MDGA2: variants seen among roughly 807,000 people sequenced by gnomAD.
MDGA2 encodes MAM domain-containing glycosylphosphatidylinositol anchor protein 2.
A neutral mutation model predicts 117.8 loss-of-function variants in MDGA2; 40 were observed. The ratio of observed to expected loss-of-function variants is 0.34; its 90% CI spans 0.26 to 0.44. The LOEUF (loss-of-function observed/expected upper bound fraction) is 0.44, where lower values mean the gene tolerates loss of function less well. Ranked by LOEUF, MDGA2 falls within the 20% of genes least tolerant of loss-of-function variation. MDGA2 has a pLI of 1.00. For missense variants in MDGA2, 1,123 were observed against 1,250.6 expected (o/e 0.90, Z 1.54); for synonymous variants, 452 against 439.0 (o/e 1.03, Z -0.37).
intron 9 of MDGA2, among the ~76,000 whole-genome samples, chr14:46,950,448 G>A (rs900406708): frequency 1.3e-5 from 2 of 151,928 alleles, no homozygotes; most frequent in African/African-American, 2.4e-5. Context: ...GAATCACTTC[G>A]TATATTACAG....
At chr14:47,135,696 C>T (rs1374157814) in intron 4 of MDGA2, among the ~76,000 whole-genome samples, 2 of 151,848 alleles carry the variant, frequency 1.3e-5, no homozygotes, top group East Asian at 1.9e-4. Context: ...TTTCAAAAAC[C>T]GTTAGTTTGT....
At chr14:47,477,048 G>T (rs1430918037) in intron 1 of MDGA2, among the ~76,000 whole-genome samples, 1 of 152,202 alleles carries the variant, frequency 6.6e-6, no homozygotes, top group Non-Finnish European at 1.5e-5. Flanking sequence ...TGTAATCCCA[G>T]CTACTGGGGA....
At chr14:47,430,169 G>A (rs1339585682) in intron 1 of MDGA2, among the ~76,000 whole-genome samples, 1 of 151,742 alleles carries the variant, frequency 6.6e-6, no homozygotes, top group Non-Finnish European at 1.5e-5. Flanking sequence ...CTTAAGCAAG[G>A]CAGTGTTGTG....
At chr14:47,363,612 C>T (rs1891172327) in intron 1 of MDGA2, among the ~76,000 whole-genome samples, 1 of 152,044 alleles carries the variant, frequency 6.6e-6, no homozygotes, top group East Asian at 1.9e-4. Context: ...ACAGCTTCTG[C>T]TCATTGAATT....
At chr14:46,951,741 C>T (rs1885377237) in intron 9 of MDGA2, among the ~76,000 whole-genome samples, 1 of 151,918 alleles carries the variant, frequency 6.6e-6, no homozygotes, top group Non-Finnish European at 1.5e-5. Flanking sequence ...TAGATAAGAA[C>T]ACAGCCCAAC....
intron 1 of MDGA2, among the ~76,000 whole-genome samples, chr14:47,599,885 T>C (rs913893104): frequency 6.6e-6 from 1 of 152,106 alleles, no homozygotes; most frequent in African/African-American, 2.4e-5. Flanking sequence ...ATAAAATATA[T>C]ACAAATTAAA....
At chr14:46,959,245 C>CTA (rs1180752542) in intron 8 of MDGA2, among the ~76,000 whole-genome samples, 5 of 80,170 alleles carry the variant, frequency 6.2e-5, no homozygotes, top group African/African-American at 4.7e-4. Flanking sequence ...TCCAGCAATG[C>CTA]TATATATGTG....
intron 7 of MDGA2, among the ~76,000 whole-genome samples, chr14:47,050,757 T>A (rs572187894): frequency 7.6e-4 from 116 of 151,982 alleles, no homozygotes; most frequent in Non-Finnish European, 1.4e-3. Context: ...TAATGTAGCA[T>A]GATGTTGAAT....
At chr14:47,139,873 C>T (rs201432287) in intron 4 of MDGA2, among the ~76,000 whole-genome samples, 99 of 92,610 alleles carry the variant, frequency 1.1e-3, no homozygotes, top group South Asian at 0.01. Context: ...TATATATATA[C>T]ACACACACAC....
intron 1 of MDGA2, among the ~76,000 whole-genome samples, chr14:47,489,232 A>C (rs559348009): frequency 3.9e-5 from 6 of 152,066 alleles, no homozygotes; most frequent in Non-Finnish European, 8.8e-5. Flanking sequence ...AATCTTAATC[A>C]CAACTAGCAC....
chr14:46,907,669 C>A (rs746835570), intron 10 of MDGA2, among the ~76,000 whole-genome samples: 1 of 152,070 alleles, frequency 6.6e-6, no homozygotes, highest in Admixed American at 6.5e-5. Context: ...TTTTTCATAT[C>A]ATTCATGTCT....
chr14:46,913,675 A>C (rs1341652808), intron 10 of MDGA2, among the ~76,000 whole-genome samples: 3 of 152,196 alleles, frequency 2.0e-5, no homozygotes, highest in Admixed American at 2.0e-4. Context: ...CGTTTAAGAA[A>C]GTTTAGGAAT....
chr14:47,601,444 G>T (rs1896646323), intron 1 of MDGA2, among the ~76,000 whole-genome samples: 1 of 152,086 alleles, frequency 6.6e-6, no homozygotes, highest in South Asian at 2.1e-4. Flanking sequence ...CTTTCTGGAA[G>T]ATGACAAAGG....
chr14:47,627,976 G>A (rs2138215165), intron 1 of MDGA2, among the ~76,000 whole-genome samples: 1 of 152,234 alleles, frequency 6.6e-6, no homozygotes, highest in African/African-American at 2.4e-5. Context: ...CACCGTGAGG[G>A]TCCGCGGCTT....
chr14:47,620,356 A>T (rs576506485), intron 1 of MDGA2, among the ~76,000 whole-genome samples: 24 of 152,380 alleles, frequency 1.6e-4, no homozygotes, highest in African/African-American at 5.5e-4. Context: ...TATTGTTAAC[A>T]TATATAAAGA....
chr14:47,368,793 T>C (rs1349797350), intron 1 of MDGA2, among the ~76,000 whole-genome samples: 2 of 152,096 alleles, frequency 1.3e-5, no homozygotes, highest in African/African-American at 4.8e-5. Context: ...AGAGAGTTCA[T>C]ATAATAATAA....
At position 46,981,649 on chromosome 14, in the gene MDGA2, C is replaced by T. The variant is rs536349859; in HGVS notation, c.1820-24006G>A. On this transcript the variant is annotated intron_variant, in intron 8 of 16. Transcript: ENST00000399232. ...AAAAGAGTGATATAGAGTTCCAGTACTGTAAGTTTTCACAAGAAGAGCGCA... is the reference window on the plus strand; with the variant it reads ...AAAAGAGTGATATAGAGTTCCAGTATTGTAAGTTTTCACAAGAAGAGCGCA... Among the ~76,000 whole-genome samples, 24 of 152,210 alleles carry T rather than the reference C, an allele frequency of 1.6e-4. No individual in the cohort carries two copies. In the South Asian group the frequency reaches 3.9e-3, roughly 25 times the overall value.
chr14:47,202,208 C>T (rs1172937673), intron 3 of MDGA2, among the ~76,000 whole-genome samples: 1 of 151,966 alleles, frequency 6.6e-6, no homozygotes, highest in Non-Finnish European at 1.5e-5. Flanking sequence ...GGGCAAATAG[C>T]AAGTACTTGA....
At chr14:47,087,230 G>A (rs61991261) in intron 6 of MDGA2, among the ~76,000 whole-genome samples, 29,816 of 151,616 alleles carry the variant, frequency 0.2, 3,004 homozygotes, top group Admixed American at 0.29. Flanking sequence ...ATTATAGATG[G>A]TTGGCTGGGT....
Sources: allele counts gnomAD v4.1 joint callset (sites outside exome capture counted in the v4.1 genomes callset), GRCh38; gene constraint gnomAD v4.1.1; transcripts MANE v1.5; gene names NCBI Gene and HGNC (gene_info 2026-07-23, HGNC 2026-07-21).